Variants in NRG1 observed in about 807,000 individuals in gnomAD.
NRG1 encodes pro-neuregulin-1, membrane-bound isoform.
In NRG1, 18 loss-of-function variants were observed where a neutral mutation model predicts 63.8. The ratio of observed to expected loss-of-function variants is 0.28; its 90% CI spans 0.19 to 0.42. The LOEUF is 0.42. NRG1 is among the 10% of genes least tolerant of loss of function. The probability of loss-of-function intolerance (pLI) is 1.00; values close to 1 mark genes in which losing one functional copy is unlikely to be tolerated. For missense variants in NRG1, 762 were observed against 814.7 expected (o/e 0.94, Z 0.79); for synonymous variants, 302 against 301.3 (o/e 1.00, Z -0.02).
chr8:32,734,871 A>G (rs988544969), intron 6 of NRG1, among the ~76,000 whole-genome samples: 1 of 152,160 alleles, frequency 6.6e-6, no homozygotes, highest in Non-Finnish European at 1.5e-5. Flanking sequence ...CATTTATTGA[A>G]CTCATATGAG....
At chr8:31,920,575 T>C (rs966765571) in intron 1 of NRG1, among the ~76,000 whole-genome samples, 1 of 152,128 alleles carries the variant, frequency 6.6e-6, no homozygotes, top group East Asian at 1.9e-4. Context: ...AGGATCCATC[T>C]GGCTCCTGGG....
At chr8:31,910,884 T>G (rs1186425263) in intron 1 of NRG1, among the ~76,000 whole-genome samples, 1 of 152,152 alleles carries the variant, frequency 6.6e-6, no homozygotes, top group Non-Finnish European at 1.5e-5. Context: ...GAGTGTTTGA[T>G]TTGAATGCTG....
chr8:32,528,848 G>A (rs1831154742), intron 1 of NRG1, among the ~76,000 whole-genome samples: 1 of 152,068 alleles, frequency 6.6e-6, no homozygotes, highest in South Asian at 2.1e-4. Flanking sequence ...CTTTATTGTG[G>A]AGAATTGCAT....
chr8:31,698,157 T>C (rs770715443), intron 1 of NRG1, among the ~76,000 whole-genome samples: 1 of 152,172 alleles, frequency 6.6e-6, no homozygotes, highest in Non-Finnish European at 1.5e-5. Flanking sequence ...TCTACTGTCA[T>C]AGAAAGGTAT....
chr8:32,514,606 G>C (rs4733125), intron 1 of NRG1, among the ~76,000 whole-genome samples: 25,574 of 151,874 alleles, frequency 0.17, 2,558 homozygotes, highest in Admixed American at 0.31. Context: ...CCAAATGCAT[G>C]TGTTTTTGTT....
intron 1 of NRG1, among the ~76,000 whole-genome samples, chr8:32,255,332 G>C (rs2219988): frequency 6.6e-6 from 1 of 152,122 alleles, no homozygotes; most frequent in Non-Finnish European, 1.5e-5. Context: ...GCTGTTACCA[G>C]TTTTTCCTTT....
chr8:31,897,234 G>T (rs748896073), intron 1 of NRG1, among the ~76,000 whole-genome samples: 1 of 152,128 alleles, frequency 6.6e-6, no homozygotes, highest in Non-Finnish European at 1.5e-5. Flanking sequence ...GGATGGGGGA[G>T]TAGGACATGC....
At chr8:31,894,933 A>T (rs563591082) in intron 1 of NRG1, among the ~76,000 whole-genome samples, 2 of 152,222 alleles carry the variant, frequency 1.3e-5, no homozygotes, top group Admixed American at 6.5e-5. Flanking sequence ...GGAAAAAAAA[A>T]GTGTTTAAAA....
intron 1 of NRG1, among the ~76,000 whole-genome samples, chr8:32,388,329 G>A (rs954924183): frequency 6.6e-6 from 1 of 152,184 alleles, no homozygotes; most frequent in Non-Finnish European, 1.5e-5. Flanking sequence ...TAGTATGTAT[G>A]TGTGCCAAAG....
chr8:31,655,520 A>G (rs1011848319), intron 1 of NRG1, among the ~76,000 whole-genome samples: 1 of 152,174 alleles, frequency 6.6e-6, no homozygotes, highest in Non-Finnish European at 1.5e-5. Flanking sequence ...AGCAGAAAGG[A>G]CAGTCAGCAC....
At chr8:31,876,587 A>G (rs946005191) in intron 1 of NRG1, among the ~76,000 whole-genome samples, 1 of 152,196 alleles carries the variant, frequency 6.6e-6, no homozygotes, top group African/African-American at 2.4e-5. Context: ...TTAGTTATGG[A>G]GTGGATACAC....
chr8:31,916,560 A>T (rs564920154), intron 1 of NRG1, among the ~76,000 whole-genome samples: 1 of 152,224 alleles, frequency 6.6e-6, no homozygotes, highest in East Asian at 1.9e-4. Flanking sequence ...CTGCATAGTA[A>T]TCCATGGTGT....
At chr8:32,288,347 AAAATTGTTG>A (rs1367549104) in intron 1 of NRG1, among the ~76,000 whole-genome samples, 1 of 152,070 alleles carries the variant, frequency 6.6e-6, no homozygotes, top group Non-Finnish European at 1.5e-5. Context: ...TTTTTTGGAG[AAAATTGTTG>A]AGGCATGAAA....
intron 5 of NRG1, among the ~76,000 whole-genome samples, chr8:32,623,837 G>T (rs1421581143): frequency 6.6e-6 from 1 of 152,016 alleles, no homozygotes; most frequent in Non-Finnish European, 1.5e-5. Context: ...GTCTATCATT[G>T]CATTCCACCA....
At chr8:32,224,356 T>C (rs966528038) in intron 1 of NRG1, among the ~76,000 whole-genome samples, 2 of 152,144 alleles carry the variant, frequency 1.3e-5, no homozygotes, top group East Asian at 1.9e-4. Context: ...ATCCAGCCCC[T>C]GTGAGATTGC....
At chr8:32,048,716 A>T (rs1379105665) in intron 1 of NRG1, among the ~76,000 whole-genome samples, 1 of 151,680 alleles carries the variant, frequency 6.6e-6, no homozygotes, top group Admixed American at 6.6e-5. Flanking sequence ...TTATCCAGTG[A>T]TTAGTGATGT....
chr8:32,323,508 C>T (rs935652369), intron 1 of NRG1, among the ~76,000 whole-genome samples: 2 of 152,196 alleles, frequency 1.3e-5, no homozygotes, highest in Non-Finnish European at 2.9e-5. Context: ...CTTCCATCAG[C>T]CACCTCCCTG....
upstream of NRG1, among the ~76,000 whole-genome samples, chr8:32,544,161 T>C (rs994435874): frequency 3.3e-5 from 5 of 152,218 alleles, no homozygotes; most frequent in Admixed American, 2.0e-4. Flanking sequence ...GTAATTATGG[T>C]GCAGATGTTG....
At chr8:31,722,370 C>A (rs1378517962) in intron 1 of NRG1, among the ~76,000 whole-genome samples, 2 of 152,070 alleles carry the variant, frequency 1.3e-5, no homozygotes, top group Non-Finnish European at 2.9e-5. Context: ...TGATGTCTTT[C>A]ATCTGTTCTC....
Sources: gnomAD v4.1 joint callset for allele counts (sites outside exome capture counted in the v4.1 genomes callset) on GRCh38, gnomAD v4.1.1 for gene constraint, MANE v1.5 for transcripts, NCBI Gene and HGNC (gene_info 2026-07-23, HGNC 2026-07-21) for gene names.